GPATCH2: variants seen among roughly 807,000 people sequenced by gnomAD.
The protein encoded by GPATCH2 is G patch domain-containing protein 2.
GPATCH2 carries 51 observed loss-of-function variants against 58.0 expected under a neutral mutation model. The ratio of observed to expected loss-of-function variants is 0.88; its 90% CI spans 0.70 to 1.11. GPATCH2 has a LOEUF of 1.11. GPATCH2 is among the 50% of genes most tolerant of loss of function. The pLI, the probability that GPATCH2 is intolerant of heterozygous loss-of-function variation, is 0.00. For synonymous variants in GPATCH2, 222 were observed against 218.5 expected (o/e 1.02, Z -0.14); for missense variants, 625 against 652.2 (o/e 0.96, Z 0.45).
chr1:217,473,470 T>A (rs568384048), intron 8 of GPATCH2, among the ~76,000 whole-genome samples: 1 of 152,270 alleles, frequency 6.6e-6, no homozygotes, highest in East Asian at 1.9e-4. Flanking sequence ...GAAAAGAATT[T>A]CATGTTTTCC....
intron 5 of GPATCH2, among the ~76,000 whole-genome samples, chr1:217,557,378 C>T (rs1048691460): frequency 7.0e-6 from 1 of 142,792 alleles, no homozygotes; most frequent in Non-Finnish European, 1.5e-5. Context: ...CACTGTACTC[C>T]AGCCTGGGCA....
At chr1:217,482,880 C>T (rs1241879275) in intron 8 of GPATCH2, among the ~76,000 whole-genome samples, 1 of 152,114 alleles carries the variant, frequency 6.6e-6, no homozygotes, top group Admixed American at 6.6e-5. Context: ...TTTCTACATG[C>T]CCATTTGTAG....
intron 5 of GPATCH2, among the ~76,000 whole-genome samples, chr1:217,569,433 G>A (rs750268241): frequency 3.3e-5 from 5 of 152,028 alleles, no homozygotes; most frequent in South Asian, 2.1e-4. Flanking sequence ...AATGGCTCAC[G>A]CCTGTAATCA....
In GPATCH2 at chr1:217,524,861, AGG is replaced by A. The variant is rs1558458007; in HGVS notation, c.1099-9974_1099-9973del. On this transcript the variant is annotated intron_variant, in intron 5 of 9. Transcript: ENST00000366935. The stretch of plus-strand genomic sequence containing the variant: ...CAGAGGGAGACCGGGGAGAGGGGAG[AGG>A]GGAGAGGGGAGAGGGGGGAGGGGGG... 7.1e-3 allele frequency among the ~76,000 whole-genome samples: 28 copies of A among 3,958 alleles called. 2 individuals are homozygous for A. The highest frequency in any genetic ancestry group is 0.011 in the African/African-American group (17 of 1,482). 2.6% of individuals were successfully genotyped at this position (3,958 alleles called of 152,430 possible). A position where few individuals can be genotyped will look rare whatever the true frequency, so the allele number is the denominator to read the frequency against.
chr1:217,448,838 TCTCCTACCACATG>T (rs1659514385), intron 9 of GPATCH2, among the ~76,000 whole-genome samples: 1 of 152,216 alleles, frequency 6.6e-6, no homozygotes, highest in African/African-American at 2.4e-5. Context: ...CAGGTGTCCA[TCTCCTACCACATG>T]GGGTCTTGTG....
rs866123662 is a variant in GPATCH2 at position 217,499,332 on chromosome 1, C to T, written c.1167-937G>A. ...TTCATAAAATCCTTACAAGGTTAGG[C>T]TCATGTTCCAAATACAGAAATGAGG... On this transcript the variant is annotated intron_variant, in intron 6 of 9. Coordinates refer to ENST00000366935, the MANE Select transcript of GPATCH2 (RefSeq NM_018040.5). Among the ~76,000 whole-genome samples, 15 of 152,238 alleles carry T rather than the reference C, an allele frequency of 9.9e-5. No homozygotes were observed. The South Asian group carries it at 1.2e-3, about 13-fold the overall frequency.
intron 8 of GPATCH2, among the ~76,000 whole-genome samples, chr1:217,466,897 G>A (rs1660478691): frequency 6.6e-6 from 1 of 152,214 alleles, no homozygotes; most frequent in Non-Finnish European, 1.5e-5. Flanking sequence ...TATCTGCTGG[G>A]CGCGGTGGCT....
intron 9 of GPATCH2, among the ~76,000 whole-genome samples, chr1:217,444,952 C>T (rs150449471): frequency 8.3e-4 from 126 of 152,256 alleles, no homozygotes; most frequent in African/African-American, 2.9e-3. Context: ...AAAGTCTTCA[C>T]TCATTATTAT....
intron 5 of GPATCH2, among the ~76,000 whole-genome samples, chr1:217,529,895 C>T (rs1571869142): frequency 1.3e-5 from 2 of 152,174 alleles, no homozygotes; most frequent in African/African-American, 4.8e-5. Context: ...ATTATCTTTA[C>T]AAATTAGAAT....
intron 8 of GPATCH2, among the ~76,000 whole-genome samples, chr1:217,477,311 G>A (rs915824794): frequency 1.3e-5 from 2 of 152,096 alleles, no homozygotes; most frequent in African/African-American, 4.8e-5. Flanking sequence ...ATTCCCAGCT[G>A]TGCTGACTCT....
At chr1:217,529,458 G>T (rs1385372242) in intron 5 of GPATCH2, among the ~76,000 whole-genome samples, 1 of 152,082 alleles carries the variant, frequency 6.6e-6, no homozygotes, top group African/African-American at 2.4e-5. Context: ...TCCAGAGTGG[G>T]TTGTTATAAA....
At chr1:217,524,014 G>C (rs1403016114) in intron 5 of GPATCH2, among the ~76,000 whole-genome samples, 1 of 146,952 alleles carries the variant, frequency 6.8e-6, no homozygotes, top group Non-Finnish European at 1.5e-5. Flanking sequence ...TCACTTCCCA[G>C]TAGGGGCGGC....
intron 5 of GPATCH2, among the ~76,000 whole-genome samples, chr1:217,523,348 A>C (rs1459536233): frequency 6.6e-6 from 1 of 151,532 alleles, no homozygotes; most frequent in African/African-American, 2.4e-5. Context: ...GTCCCTGGGT[A>C]CTTGAGATTA....
chr1:217,435,942 T>C (rs895298056), intron 9 of GPATCH2, among the ~76,000 whole-genome samples: 3 of 152,218 alleles, frequency 2.0e-5, no homozygotes, highest in East Asian at 1.9e-4. Context: ...ATGATACTTT[T>C]GTTAATTAAA....
intron 5 of GPATCH2, among the ~76,000 whole-genome samples, chr1:217,537,248 A>G (rs564102676): frequency 6.6e-6 from 1 of 152,222 alleles, no homozygotes; most frequent in African/African-American, 2.4e-5. Context: ...ACTTTACCGT[A>G]TTATATTAAG....
intron 5 of GPATCH2, among the ~76,000 whole-genome samples, chr1:217,563,134 C>T (rs1408221468): frequency 1.3e-5 from 2 of 152,170 alleles, no homozygotes. Flanking sequence ...TCCTACTAGC[C>T]TAGCTTAACA....
intron 5 of GPATCH2, chr1:217,608,296 TG>T: frequency 2.0e-6 from 2 of 980,810 alleles, no homozygotes; most frequent in East Asian, 2.3e-4. Flanking sequence ...AGGAGTCCAT[TG>T]TCTTCAGTAA....
At chr1:217,443,651 A>G (rs1659251597) in intron 9 of GPATCH2, among the ~76,000 whole-genome samples, 1 of 152,042 alleles carries the variant, frequency 6.6e-6, no homozygotes, top group African/African-American at 2.4e-5. Context: ...TATTGGACAT[A>G]GGTTGAACTT....
At chr1:217,600,292 T>C (rs568446466) in intron 5 of GPATCH2, among the ~76,000 whole-genome samples, 56 of 152,288 alleles carry the variant, frequency 3.7e-4, no homozygotes, top group African/African-American at 1.3e-3. Context: ...TTGGCATCTC[T>C]GGTTTATCAG....
Sources: gnomAD v4.1 joint callset for allele counts (sites outside exome capture counted in the v4.1 genomes callset) on GRCh38, gnomAD v4.1.1 for gene constraint, MANE v1.5 for transcripts, NCBI Gene and HGNC (gene_info 2026-07-23, HGNC 2026-07-21) for gene names.